CDK13: variants seen among roughly 807,000 people sequenced by gnomAD.
CDK13 encodes cyclin-dependent kinase 13.
CDK13 carries 40 observed loss-of-function variants against 137.6 expected under a neutral mutation model. That is an observed-to-expected ratio of 0.29 (90% CI 0.23 to 0.38). The LOEUF (loss-of-function observed/expected upper bound fraction) is 0.38, where lower values mean the gene tolerates loss of function less well. CDK13 is among the 10% of genes least tolerant of loss of function. The probability of loss-of-function intolerance (pLI) is 1.00; values close to 1 mark genes in which losing one functional copy is unlikely to be tolerated. For missense variants in CDK13, 1,704 were observed against 1,951.8 expected, an observed-to-expected ratio of 0.87 and a Z score of 2.39; for synonymous variants, 869 against 760.1, an observed-to-expected ratio of 1.14 and a Z score of -2.36.
At chr7:39,988,336 CT>C (rs1784386015) in intron 2 of CDK13, 78 bp downstream of exon 2, 10 of 1,091,134 alleles carry the variant, frequency 9.2e-6, no homozygotes, top group South Asian at 6.6e-5. Flanking sequence ...TTGACCTCCC[CT>C]AACCCCCTCG....
intron 6 of CDK13, among the ~76,000 whole-genome samples, chr7:40,046,841 A>C (rs1444908578): frequency 2.6e-5 from 4 of 151,698 alleles, no homozygotes; most frequent in Non-Finnish European, 4.4e-5. Context: ...GTCTCTACTA[A>C]AAATACAAAA....
At chr7:40,056,088 G>A (rs1786015426) in intron 7 of CDK13, among the ~76,000 whole-genome samples, 1 of 152,084 alleles carries the variant, frequency 6.6e-6, no homozygotes, top group Non-Finnish European at 1.5e-5. Flanking sequence ...CTATATTACT[G>A]AATTGGGTGA....
intron 1 of CDK13, chr7:39,985,769 A>G (rs1784324063): frequency 6.6e-6 from 1 of 152,212 alleles, no homozygotes; most frequent in Non-Finnish European, 1.5e-5. Flanking sequence ...GGGACTACAG[A>G]GGTGCCGTGG....
chr7:39,954,593 T>C (rs1787349333), intron 1 of CDK13, among the ~76,000 whole-genome samples: 1 of 152,216 alleles, frequency 6.6e-6, no homozygotes, highest in East Asian at 1.9e-4. Flanking sequence ...AATATTAATG[T>C]GGGCTTTGTA....
intron 9 of CDK13, among the ~76,000 whole-genome samples, chr7:40,074,133 C>T (rs1220602843): frequency 6.6e-6 from 1 of 152,054 alleles, no homozygotes; most frequent in Non-Finnish European, 1.5e-5. Context: ...AACTCCTGCT[C>T]AAGCAATCCA....
Position 40,041,179 on chromosome 7 carries a change from A to T in CDK13, c.2354-4657A>T, listed in dbSNP as rs531060607. On this transcript the variant is annotated intron_variant, in intron 5 of 13. Coordinates refer to ENST00000181839, the MANE Select transcript of CDK13 (RefSeq NM_003718.5). ...CATCTCTACTAAAAATACAAAAATT[A>T]GCCAGGAGTGGTGGTGCACACCAGT... is the stretch of plus-strand genomic sequence containing the variant. 4.6e-5 allele frequency among the ~76,000 whole-genome samples: 7 copies of T among 152,276 alleles called. No individual in the cohort carries two copies. In the East Asian group the frequency reaches 1.2e-3, roughly 25 times the overall value.
Position 39,951,756 on chromosome 7 carries a change from G to T in CDK13, c.1115G>T (p.Arg372Leu). Reference sequence around the variant, plus strand: ...CGCCGCCGCTCCCCCAGCTACAGCCGCCACAGCTCCTACGAGCGGGGCGGC... The same window carrying T: ...CGCCGCCGCTCCCCCAGCTACAGCCTCCACAGCTCCTACGAGCGGGGCGGC... Reference protein sequence around the residue: ...YSRRRSPSYSRHSSYERGGDV... With the variant: ...YSRRRSPSYSLHSSYERGGDV... The change falls in exon 1 of 14, where the codon CGC becomes CTC. Residue 372 changes from arginine (R) to leucine (L), a missense_variant. Coordinates refer to ENST00000181839, the MANE Select transcript of CDK13 (RefSeq NM_003718.5). 6.7e-7 allele frequency: 1 copy of T among 1,490,008 alleles called. No homozygotes were observed. The allele number at this position is 1,490,008 out of a possible 1,614,324, so 92.3% of individuals were successfully genotyped here. A position where few individuals can be genotyped will look rare whatever the true frequency, so the allele number is the denominator to read the frequency against.
intron 5 of CDK13, among the ~76,000 whole-genome samples, chr7:40,024,386 C>T (rs1584003214): frequency 6.6e-6 from 1 of 152,336 alleles, no homozygotes; most frequent in East Asian, 1.9e-4. Context: ...CTTTGTCATT[C>T]ACCCATTGGT....
chr7:39,997,602 T>A lies in CDK13; in HGVS notation c.1980T>A (p.Asp660Glu), dbSNP rs374425344. The A allele has an allele frequency of 2.2e-5, 35 of 1,613,168 alleles. No individual in the cohort carries two copies. The African/African-American group carries it at 3.6e-4, about 17-fold the overall frequency. The part of the protein sequence containing the change: ...PLPPELPGGD[D>E]LSKSPEEKKT... Reference sequence around the variant, plus strand: ...CCCCTGAGCTACCAGGAGGAGATGATCTTTCAAAGAGTCCAGAGGAAAAGA... The same window carrying A: ...CCCCTGAGCTACCAGGAGGAGATGAACTTTCAAAGAGTCCAGAGGAAAAGA... Residue 660 changes from aspartate (D) to glutamate (E), a missense_variant, in exon 3 of 14, where the codon GAT becomes GAA. Asp to Glu is a conservative substitution (Grantham distance 45). Transcript: ENST00000181839.
intron 4 of CDK13, among the ~76,000 whole-genome samples, chr7:40,001,079 T>C (rs951385388): frequency 3.9e-5 from 6 of 152,160 alleles, no homozygotes; most frequent in Non-Finnish European, 8.8e-5. Flanking sequence ...TCTGAGCGTA[T>C]TTTTTTCACT....
rs554588177 is a variant in CDK13 at position 39,992,774 on chromosome 7, C to CTT, written c.1871+4516_1871+4517insTT. On this transcript the variant is annotated intron_variant, in intron 2 of 13. Coordinates refer to ENST00000181839, the MANE Select transcript of CDK13 (RefSeq NM_003718.5). ...TTATCTGATTATTTCTTCTTGGTAT[C>CTT]GTTTAACTTGTTCTTCTCTAACCCC... Among the ~76,000 whole-genome samples, 19 of 151,684 alleles carry CTT rather than the reference C, an allele frequency of 1.3e-4. No individual in the cohort carries two copies. The South Asian group carries it at 3.9e-3, about 31-fold the overall frequency.
chr7:40,034,225 G>T (rs2150506893), intron 5 of CDK13, among the ~76,000 whole-genome samples: 1 of 152,238 alleles, frequency 6.6e-6, no homozygotes, highest in African/African-American at 2.4e-5. Flanking sequence ...CTTGGTAATG[G>T]TTCCCAAGGA....
chr7:39,989,580 A>G (rs1298013290), intron 2 of CDK13, among the ~76,000 whole-genome samples: 1 of 152,034 alleles, frequency 6.6e-6, no homozygotes, highest in East Asian at 1.9e-4. Flanking sequence ...GGGAGACCCC[A>G]TCCAATTTAA....
At chr7:39,980,886 G>C (rs796938420) in intron 1 of CDK13, among the ~76,000 whole-genome samples, 1 of 152,142 alleles carries the variant, frequency 6.6e-6, no homozygotes, top group Admixed American at 6.5e-5. Context: ...GCACTAACCA[G>C]TTGGGTTTCA....
rs773370535 is a variant in CDK13, at chr7:39,988,252, C to A, written c.1865C>A (p.Ala622Asp). ...LPPMLPEDKEADSLRGNISVK... is the reference protein window; with the variant it reads ...LPPMLPEDKEDDSLRGNISVK... ...CCCATGCTGCCTGAAGATAAAGAAG[C>A]TGATAGGTAAGTGCAAAAAGTATTT... The change falls in exon 2 of 14, where the codon GCT (alanine) becomes GAT (aspartate). Residue 622 changes from alanine to aspartate, a missense_variant. Around this residue, in one of 5 missense-constraint regions of CDK13, gnomAD observed 1,051 missense variants for 931.0 expected, o/e 1.13. Coordinates refer to ENST00000181839, the MANE Select transcript of CDK13 (RefSeq NM_003718.5). 1.9e-6 allele frequency: 3 copies of A among 1,590,986 alleles called. No individual in the cohort carries two copies. In the Admixed American group the frequency reaches 5.7e-5, roughly 30 times the overall value.
intron 7 of CDK13, among the ~76,000 whole-genome samples, chr7:40,059,696 A>G (rs1460620242): frequency 1.3e-5 from 2 of 152,184 alleles, no homozygotes; most frequent in Admixed American, 6.5e-5. Context: ...GGAATCTATC[A>G]ATGAACAGAT....
intron 9 of CDK13, among the ~76,000 whole-genome samples, chr7:40,068,598 GCAGGAACATCCTGCCT>G (rs1467736816): frequency 3.3e-5 from 5 of 150,988 alleles, no homozygotes; most frequent in Non-Finnish European, 7.4e-5. Flanking sequence ...GAAGGCTGAG[GCAGGAACATCCTGCCT>G]CAGGTAGCTT....
At chr7:40,013,898 C>T (rs1477018207) in intron 5 of CDK13, among the ~76,000 whole-genome samples, 1 of 152,070 alleles carries the variant, frequency 6.6e-6, no homozygotes, top group Middle Eastern at 3.4e-3. Flanking sequence ...AAAGATGAGA[C>T]TGTAAAGGTG....
rs140395405 is a variant in CDK13, at chr7:39,953,331, A to G, written c.1211+1479A>G. On this transcript the variant is annotated intron_variant, in intron 1 of 13. Transcript: ENST00000181839. ...AAGACTTTGTATGTTACTTTTAACT[A>G]TAATACTTTGCCAAAGGGTTTGCAG... Among the ~76,000 whole-genome samples the G allele has an allele frequency of 3.8e-4, 58 of 152,352 alleles. No individual in the cohort carries two copies. In the East Asian group the frequency reaches 6.0e-3, roughly 16 times the overall value.
Sources: gnomAD v4.1 joint callset for allele counts (sites outside exome capture counted in the v4.1 genomes callset) on GRCh38, gnomAD v4.1.1 for gene constraint, gnomAD v4.1.1 regional missense constraint, MANE v1.5 for transcripts, NCBI Gene and HGNC (gene_info 2026-07-23, HGNC 2026-07-21) for gene names.